The following CACNA2D2 variants were observed in gnomAD, a reference collection of about 807,000 sequenced individuals.
CACNA2D2 encodes the protein calcium voltage-gated channel auxiliary subunit alpha2delta 2, also known as voltage-dependent calcium channel subunit alpha-2/delta-2.
A neutral mutation model predicts 166.4 loss-of-function variants in CACNA2D2; 48 were observed. That is an observed-to-expected ratio of 0.29 (90% CI 0.23 to 0.37). The LOEUF is 0.37. Among genes scored for constraint, CACNA2D2 ranks in the 10% least tolerant of loss-of-function variants. CACNA2D2 has a pLI of 1.00. For synonymous variants in CACNA2D2, 561 were observed against 573.7 expected (o/e 0.98, Z 0.32); for missense variants, 1,122 against 1,433.0 (o/e 0.78, Z 3.50).
intron 1 of CACNA2D2, among the ~76,000 whole-genome samples, chr3:50,491,698 G>A (rs1012817462): frequency 1.4e-4 from 22 of 152,182 alleles, no homozygotes; most frequent in Non-Finnish European, 2.1e-4. Flanking sequence ...AAAGAGACCC[G>A]GATCAGGGGA....
intron 3 of CACNA2D2, among the ~76,000 whole-genome samples, chr3:50,396,386 G>A (rs972247875): frequency 6.6e-6 from 1 of 151,754 alleles, no homozygotes; most frequent in Non-Finnish European, 1.5e-5. Flanking sequence ...TCATGACACC[G>A]TCCCCTGTCC....
chr3:50,485,444 T>C (rs577618986), intron 1 of CACNA2D2, among the ~76,000 whole-genome samples: 1 of 152,368 alleles, frequency 6.6e-6, no homozygotes, highest in East Asian at 1.9e-4. Flanking sequence ...AACCCTAATA[T>C]GTAACTGGTG....
intron 1 of CACNA2D2, among the ~76,000 whole-genome samples, chr3:50,486,325 C>G (rs1004529173): frequency 1.3e-5 from 2 of 152,154 alleles, no homozygotes; most frequent in African/African-American, 4.8e-5. Flanking sequence ...CAGGACAGAC[C>G]CTGTCCATGT....
At chr3:50,414,678 A>G (rs1383628160) in intron 3 of CACNA2D2, among the ~76,000 whole-genome samples, 1 of 152,232 alleles carries the variant, frequency 6.6e-6, no homozygotes, top group Non-Finnish European at 1.5e-5. Flanking sequence ...CTCTGAAATA[A>G]TTAGCAATTC....
At chr3:50,387,458 G>T in intron 5 of CACNA2D2, 110 bp downstream of exon 5, 2 of 906,762 alleles carry the variant, frequency 2.2e-6, no homozygotes, top group Non-Finnish European at 3.6e-6. Flanking sequence ...GTGTCACCAC[G>T]GCTCTGCAGG....
chr3:50,417,306 T>C (rs1277013144), intron 3 of CACNA2D2, among the ~76,000 whole-genome samples: 2 of 152,136 alleles, frequency 1.3e-5, no homozygotes, highest in African/African-American at 2.4e-5. Flanking sequence ...CCATGCCTGA[T>C]ATCCACACAG....
At position 50,370,223 on chromosome 3, in the gene CACNA2D2, G is replaced by C. The variant is rs1182941052; in HGVS notation, c.2045+97C>G. On this transcript the variant is annotated intron_variant, in intron 23 of 37. Transcript: ENST00000424201. ...GGGGCCGGGGGATGACACTGCACAG[G>C]ACACAGACACACAGAGCTCCAGGCA... The C allele has an allele frequency of 4.8e-6, 4 of 841,082 alleles. No homozygotes were observed. The African/African-American group carries it at 6.7e-5, about 14-fold the overall frequency. The allele number at this position is 841,082 out of a possible 1,614,324, so 52.1% of individuals were successfully genotyped here.
chr3:50,492,155 T>C (rs1698546518), intron 1 of CACNA2D2, among the ~76,000 whole-genome samples: 1 of 152,218 alleles, frequency 6.6e-6, no homozygotes. Flanking sequence ...CCCAGCCAAG[T>C]CTGGGCCTTC....
Position 50,367,786 on chromosome 3 carries a change from GC to G in CACNA2D2, c.2234+25del. ...GCCTCTGGGCCCATCCTAGCCTTCT[GC>G]CCCCACAGGCTGGGTGATGCCTACG... On this transcript the variant is annotated intron_variant, in intron 25 of 37. Transcript: ENST00000424201. This position sits in a 1 kb window ranked among gnomAD's most constrained non-coding sequence, Gnocchi z 6.5. 1 of 1,612,402 alleles carries G rather than the reference GC, an allele frequency of 6.2e-7. No homozygotes were observed. The highest frequency in any genetic ancestry group is 1.3e-5 in the African/African-American group (1 of 75,010).
At chr3:50,412,535 A>T (rs1707064664) in intron 3 of CACNA2D2, among the ~76,000 whole-genome samples, 1 of 140,972 alleles carries the variant, frequency 7.1e-6, no homozygotes, top group Admixed American at 6.9e-5. Flanking sequence ...TCCCAAAGCC[A>T]TGGGCACTCA....
chr3:50,420,557 G>A (rs963685547), intron 3 of CACNA2D2, among the ~76,000 whole-genome samples: 1 of 152,232 alleles, frequency 6.6e-6, no homozygotes, highest in Admixed American at 6.5e-5. Context: ...TACATACCCT[G>A]TGCATAGTCC....
chr3:50,401,234 T>C (rs993903035), intron 3 of CACNA2D2, among the ~76,000 whole-genome samples: 38 of 134,096 alleles, frequency 2.8e-4, no homozygotes, highest in African/African-American at 1.0e-4. Context: ...CTTCTGCAAA[T>C]TGATAAAAAA....
Position 50,365,650 on chromosome 3 carries a change from T to C in CACNA2D2, c.2954A>G (p.His985Arg). Residue 985 changes from histidine to arginine, a missense_variant, in exon 34 of 38, where the codon CAC becomes CGC. By Grantham distance (29) the His-to-Arg change is conservative. Coordinates refer to ENST00000424201, the MANE Select transcript of CACNA2D2 (RefSeq NM_006030.4). This position sits in a 1 kb window ranked among gnomAD's most constrained non-coding sequence, Gnocchi z 4.5. Reference protein sequence around the residue: ...FQQLLYGLIYHSWFQADPAEA... With the variant: ...FQQLLYGLIYRSWFQADPAEA... ...CTACCTACCTGCTTGGAACCAGCTG[T>C]GGTAGATGAGGCCGTAGAGAAGCTG... is the stretch of plus-strand genomic sequence containing the variant. The C allele has an allele frequency of 3.8e-6, 6 of 1,581,072 alleles. No individual in the cohort carries two copies. Among genetic ancestry groups the C allele is most frequent in the Non-Finnish European group, 3.4e-6 (4 of 1,163,712 alleles).
Position 50,428,060 on chromosome 3 carries a change from T to C in CACNA2D2, c.405+6253A>G, listed in dbSNP as rs566641897. 5.9e-5 allele frequency among the ~76,000 whole-genome samples: 9 copies of C among 152,330 alleles called. No individual in the cohort carries two copies. In the East Asian group the frequency reaches 1.7e-3, roughly 29 times the overall value. The stretch of plus-strand genomic sequence containing the variant: ...TCCGAGGCCCCCAGTATCTCCCTGC[T>C]GTGGCTCTCATGGCTGCATCTCTGT... On this transcript the variant is annotated intron_variant, in intron 3 of 37. Coordinates refer to ENST00000424201, the MANE Select transcript of CACNA2D2 (RefSeq NM_006030.4).
chr3:50,424,020 G>A (rs1707692277), intron 3 of CACNA2D2, among the ~76,000 whole-genome samples: 1 of 152,254 alleles, frequency 6.6e-6, no homozygotes. Flanking sequence ...TGTCACCAAA[G>A]CCTGGGCATA....
chr3:50,461,692 C>T (rs1559971576), intron 2 of CACNA2D2, among the ~76,000 whole-genome samples: 1 of 139,124 alleles, frequency 7.2e-6, no homozygotes, highest in East Asian at 2.1e-4. Flanking sequence ...ATCTGGGAGG[C>T]AGAGGTTGCG....
intron 6 of CACNA2D2, among the ~76,000 whole-genome samples, chr3:50,382,482 C>T (rs983025728): frequency 4.6e-5 from 7 of 152,236 alleles, no homozygotes; most frequent in South Asian, 4.1e-4. Context: ...GCCTCTGCTG[C>T]GTCCGCTGCC....
At chr3:50,458,255 C>T (rs1012789754) in intron 2 of CACNA2D2, among the ~76,000 whole-genome samples, 1 of 152,226 alleles carries the variant, frequency 6.6e-6, no homozygotes, top group Non-Finnish European at 1.5e-5. Flanking sequence ...CACCTGGCCA[C>T]GGGGAGAGAA....
chr3:50,465,431 C>T (rs572983358), intron 2 of CACNA2D2, among the ~76,000 whole-genome samples: 1 of 152,238 alleles, frequency 6.6e-6, no homozygotes, highest in East Asian at 1.9e-4. Flanking sequence ...TCTCCCTGCA[C>T]GATGATGCAG....
Sources: allele counts gnomAD v4.1 joint callset (sites outside exome capture counted in the v4.1 genomes callset), GRCh38; gene constraint gnomAD v4.1.1; non-coding constraint Gnocchi (gnomAD v3.1); transcripts MANE v1.5; gene names NCBI Gene and HGNC (gene_info 2026-07-23, HGNC 2026-07-21).